The following IMMP2L variants were observed in gnomAD, a reference collection of about 807,000 sequenced individuals.
IMMP2L encodes the protein inner mitochondrial membrane peptidase subunit 2.
A neutral mutation model predicts 19.3 loss-of-function variants in IMMP2L; 18 were observed. The ratio of observed to expected loss-of-function variants is 0.93; its 90% confidence interval spans 0.64 to 1.38. The LOEUF (loss-of-function observed/expected upper bound fraction) is 1.38. Ranked by LOEUF, IMMP2L falls within the 40% of genes most tolerant of loss-of-function variation. The probability of loss-of-function intolerance (pLI) is 0.00; values close to 1 mark genes in which losing one functional copy is unlikely to be tolerated. For missense variants in IMMP2L, 233 were observed against 218.2 expected, an observed-to-expected ratio of 1.07 and a Z score of -0.43; for synonymous variants, 76 against 73.0, an observed-to-expected ratio of 1.04 and a Z score of -0.21.
chr7:111,235,864 T>A (rs1026619043), intron 3 of IMMP2L, among the ~76,000 whole-genome samples: 1 of 152,112 alleles, frequency 6.6e-6, no homozygotes, highest in Non-Finnish European at 1.5e-5. Context: ...TGTCTCTTTT[T>A]TAAATTAGCC....
chr7:111,491,821 G>C (rs1227157597), intron 2 of IMMP2L, among the ~76,000 whole-genome samples: 2 of 151,838 alleles, frequency 1.3e-5, no homozygotes, highest in African/African-American at 2.4e-5. Flanking sequence ...CTGTAAAGGT[G>C]ACCTGGAGGG....
intron 3 of IMMP2L, among the ~76,000 whole-genome samples, chr7:111,305,458 G>C (rs1470562342): frequency 1.3e-5 from 2 of 151,922 alleles, no homozygotes; most frequent in Non-Finnish European, 2.9e-5. Context: ...CCTCCTGAGT[G>C]GCTGGGACTA....
At chr7:110,680,180 G>T (rs80194358) in intron 5 of IMMP2L, among the ~76,000 whole-genome samples, 3 of 152,292 alleles carry the variant, frequency 2.0e-5, no homozygotes, top group Non-Finnish European at 4.4e-5. Context: ...TAAGAACTTA[G>T]ATTACACAGA....
intron 3 of IMMP2L, among the ~76,000 whole-genome samples, chr7:110,991,942 C>T (rs1423973064): frequency 6.6e-6 from 1 of 152,094 alleles, no homozygotes; most frequent in Non-Finnish European, 1.5e-5. Flanking sequence ...CTGGAAAAGG[C>T]TACTCAATTT....
Position 111,235,914 on chromosome 7 carries a change from T to C in IMMP2L, c.239+251324A>G, listed in dbSNP as rs112031741. Among the ~76,000 whole-genome samples, 539 of 152,230 alleles carry C rather than the reference T, an allele frequency of 3.5e-3. 4 individuals are homozygous for C. The highest frequency in any genetic ancestry group is 0.012 in the African/African-American group (509 of 41,552). Reference sequence around the variant, plus strand: ...GGTTCATTTTGGGTAGTTTCTATTGTTATGATGTCACCTCATTAATTTCTT... The same window carrying C: ...GGTTCATTTTGGGTAGTTTCTATTGCTATGATGTCACCTCATTAATTTCTT... On this transcript the variant is annotated intron_variant, in intron 3 of 5. Transcript: ENST00000405709.
chr7:110,842,890 T>C (rs1322219468), intron 5 of IMMP2L, among the ~76,000 whole-genome samples: 4 of 152,174 alleles, frequency 2.6e-5, no homozygotes, highest in African/African-American at 9.6e-5. Context: ...TAGAGAAGTC[T>C]TGAAATCTGA....
At chr7:111,172,173 T>C (rs1749237804) in intron 3 of IMMP2L, among the ~76,000 whole-genome samples, 1 of 151,444 alleles carries the variant, frequency 6.6e-6, no homozygotes, top group African/African-American at 2.4e-5. Flanking sequence ...TGGTATAAAA[T>C]ATAAGGGACT....
intron 3 of IMMP2L, among the ~76,000 whole-genome samples, chr7:111,216,203 C>T (rs1811906662): frequency 6.6e-6 from 1 of 151,946 alleles, no homozygotes; most frequent in African/African-American, 2.4e-5. Flanking sequence ...TGAGGAGGTC[C>T]CAAGTAGATA....
chr7:111,364,015 C>T (rs1449982735), intron 3 of IMMP2L, among the ~76,000 whole-genome samples: 1 of 152,002 alleles, frequency 6.6e-6, no homozygotes, highest in Non-Finnish European at 1.5e-5. Flanking sequence ...CCCACACACA[C>T]ACATCTACCC....
chr7:111,219,069 A>G (rs1812253379), intron 3 of IMMP2L, among the ~76,000 whole-genome samples: 1 of 152,064 alleles, frequency 6.6e-6, no homozygotes, highest in Non-Finnish European at 1.5e-5. Flanking sequence ...TAAGCTAGAA[A>G]GAAAAAGACT....
chr7:111,383,128 C>G (rs1016178877), intron 3 of IMMP2L, among the ~76,000 whole-genome samples: 1 of 152,020 alleles, frequency 6.6e-6, no homozygotes, highest in Non-Finnish European at 1.5e-5. Context: ...TATCTCTCTA[C>G]GGTTTCTATC....
intron 5 of IMMP2L, among the ~76,000 whole-genome samples, chr7:110,730,413 T>TGTG (rs2130812471): frequency 6.6e-6 from 1 of 152,350 alleles, no homozygotes; most frequent in South Asian, 2.1e-4. Context: ...ACCCTTGGAC[T>TGTG]TACACCAGTG....
chr7:110,669,315 G>A (rs952998123), intron 5 of IMMP2L, among the ~76,000 whole-genome samples: 2 of 152,124 alleles, frequency 1.3e-5, no homozygotes, highest in Non-Finnish European at 2.9e-5. Context: ...AAGACGATCT[G>A]CTGGTGTGTT....
chr7:110,751,403 T>C (rs1797709900), intron 5 of IMMP2L, among the ~76,000 whole-genome samples: 1 of 151,554 alleles, frequency 6.6e-6, no homozygotes, highest in African/African-American at 2.4e-5. Flanking sequence ...TCAACTGATT[T>C]TTCTAAGCCT....
chr7:111,141,091 C>T (rs1376249165), intron 3 of IMMP2L, among the ~76,000 whole-genome samples: 1 of 152,124 alleles, frequency 6.6e-6, no homozygotes, highest in East Asian at 1.9e-4. Context: ...CAGCTGCAAT[C>T]GTCTCTACCC....
chr7:111,056,472 C>T (rs899586003), intron 3 of IMMP2L, among the ~76,000 whole-genome samples: 3 of 152,200 alleles, frequency 2.0e-5, no homozygotes, highest in African/African-American at 4.8e-5. Flanking sequence ...TCATCAACAT[C>T]GTTTCAAGTA....
At chr7:110,998,737 A>G (rs1456260282) in intron 3 of IMMP2L, among the ~76,000 whole-genome samples, 2 of 152,184 alleles carry the variant, frequency 1.3e-5, no homozygotes, top group African/African-American at 4.8e-5. Flanking sequence ...AAGTGATAGG[A>G]AATAAATGAT....
chr7:111,219,705 G>A (rs1258512259), intron 3 of IMMP2L, among the ~76,000 whole-genome samples: 2 of 151,882 alleles, frequency 1.3e-5, no homozygotes, highest in African/African-American at 4.8e-5. Flanking sequence ...CTGTTTGGTT[G>A]AATCAAATTC....
At chr7:110,802,753 A>C (rs575239899) in intron 5 of IMMP2L, among the ~76,000 whole-genome samples, 18 of 152,188 alleles carry the variant, frequency 1.2e-4, no homozygotes, top group Middle Eastern at 3.4e-3. Flanking sequence ...TAACAGAGTC[A>C]AAAAACAAAG....
Sources: gnomAD v4.1 joint callset for allele counts (sites outside exome capture counted in the v4.1 genomes callset) on GRCh38, gnomAD v4.1.1 for gene constraint, MANE v1.5 for transcripts, NCBI Gene and HGNC (gene_info 2026-07-23, HGNC 2026-07-21) for gene names.